RIPOR1: variants seen among roughly 807,000 people sequenced by gnomAD.
RIPOR1 encodes the protein rho family-interacting cell polarization regulator 1.
A neutral mutation model predicts 116.5 loss-of-function variants in RIPOR1; 58 were observed. The ratio of observed to expected loss-of-function variants is 0.50; its 90% CI spans 0.40 to 0.62. The LOEUF (loss-of-function observed/expected upper bound fraction) is 0.62. Among genes scored for constraint, RIPOR1 ranks in the 20% least tolerant of loss-of-function variants. RIPOR1 has a pLI of 0.00. For missense variants in RIPOR1, 1,372 were observed against 1,586.2 expected (o/e 0.86, Z 2.29); for synonymous variants, 605 against 650.0 (o/e 0.93, Z 1.05).
intron 1 of RIPOR1, among the ~76,000 whole-genome samples, chr16:67,520,279 G>A (rs1011951852): frequency 3.3e-5 from 5 of 151,430 alleles, no homozygotes; most frequent in African/African-American, 9.7e-5. Context: ...TACTCAGGAC[G>A]CTGAGGTGGG....
Position 67,541,368 on chromosome 16 carries a change from G to A in RIPOR1, c.802-62G>A, listed in dbSNP as rs1173079276. On this transcript the variant is annotated intron_variant, in intron 10 of 21. Coordinates refer to ENST00000042381, the MANE Select transcript of RIPOR1 (RefSeq NM_024519.4). This position sits in a 1 kb window ranked among gnomAD's most constrained non-coding sequence, Gnocchi z 4.6. ...AAGTTCTATGCAAATTCAGACCTCA[G>A]ATTTCCCATGATCTCATAGCCCCTG... 3.2e-5 allele frequency: 50 copies of A among 1,549,512 alleles called. No individual in the cohort carries two copies. The highest frequency in any genetic ancestry group is 4.3e-5 in the Non-Finnish European group (49 of 1,144,508).
In RIPOR1 at chr16:67,542,246, A is replaced by G. The variant is rs199574998; in HGVS notation, c.1460A>G (p.His487Arg). The G allele has an allele frequency of 6.8e-6, 11 of 1,613,570 alleles. No individual in the cohort carries two copies. Among genetic ancestry groups the G allele is most frequent in the Non-Finnish European group, 9.3e-6 (11 of 1,179,712 alleles). ...PSPPTHPAPT[H>R]GEHPSPVPPA... The stretch of plus-strand genomic sequence containing the variant: ...CCACCTACACACCCAGCTCCCACCC[A>G]TGGAGAGCACCCCAGTCCTGTTCCT... The change falls in exon 13 of 22, where the codon CAT becomes CGT. Residue 487 changes from histidine (H) to arginine (R), a missense_variant. His to Arg is a conservative substitution (Grantham distance 29, BLOSUM62 0). Transcript: ENST00000042381. This position sits in a 1 kb window ranked among gnomAD's most constrained non-coding sequence, Gnocchi z 4.6.
intron 4 of RIPOR1, 37 bp downstream of exon 4, chr16:67,539,105 T>C: frequency 6.3e-7 from 1 of 1,580,118 alleles, no homozygotes; most frequent in South Asian, 1.1e-5. Context: ...TTTGCCTCTT[T>C]GGTGTGGAGG....
chr16:67,526,423 G>A (rs760793640), upstream of RIPOR1, among the ~76,000 whole-genome samples: 4 of 152,176 alleles, frequency 2.6e-5, no homozygotes, highest in Non-Finnish European at 5.9e-5. Context: ...ACATAGTATG[G>A]ACTATCTTCT....
chr16:67,545,561 T>G lies in RIPOR1; in HGVS notation c.3190+27T>G. 6.2e-7 allele frequency: 1 copy of G among 1,612,562 alleles called. No homozygotes were observed. The highest frequency in any genetic ancestry group is 1.1e-5 in the South Asian group (1 of 90,952). The stretch of plus-strand genomic sequence containing the variant: ...TGAGGCGGTGGCCCTGATCACATAG[T>G]GGCCTCTTGGGGTCTGAGGACATGA... On this transcript the variant is annotated intron_variant, in intron 18 of 21. Transcript: ENST00000042381. The surrounding 1 kb of genome is among the most constrained non-coding windows in gnomAD (Gnocchi z 4.8).
intron 1 of RIPOR1, among the ~76,000 whole-genome samples, chr16:67,521,821 C>A (rs2050497249): frequency 6.6e-6 from 1 of 152,208 alleles, no homozygotes; most frequent in South Asian, 2.1e-4. Context: ...TAAGTAATGG[C>A]CATGTTGCTT....
At position 67,530,356 on chromosome 16, in the gene RIPOR1, T is replaced by TG. The variant is rs902044789; in HGVS notation, c.-24+1448dup. Among the ~76,000 whole-genome samples, 1 of 152,012 alleles carries TG rather than the reference T, an allele frequency of 6.6e-6. No homozygotes were observed. The highest frequency in any genetic ancestry group is 1.5e-5 in the Non-Finnish European group (1 of 67,956). ...CGACAGCCTCCGCCCGGTTCCGGGG[T>TG]GGGGGGTCCGGGGCTGTGCCGCTCC... On this transcript the variant is annotated intron_variant, in intron 1 of 21. Transcript: ENST00000042381. This position sits in a 1 kb window ranked among gnomAD's most constrained non-coding sequence, Gnocchi z 4.5.
intron 1 of RIPOR1, among the ~76,000 whole-genome samples, chr16:67,532,739 A>AC (rs147419333): frequency 0.044 from 6,682 of 152,266 alleles, 484 homozygotes; most frequent in African/African-American, 0.15. Flanking sequence ...AATAGGACTT[A>AC]CCCCATAAGG....
Position 67,543,249 on chromosome 16 carries a change from A to G in RIPOR1, c.2463A>G (p.Leu821=). 10 of 1,596,894 alleles carry G rather than the reference A, an allele frequency of 6.3e-6. No homozygotes were observed. Among genetic ancestry groups the G allele is most frequent in the Non-Finnish European group, 8.5e-6 (10 of 1,170,174 alleles). The part of the protein sequence containing the change: ...LQGLEQEVTR[L]ESLLMQRQGL... ...GCCTGGAGCAGGAGGTGACCCGCCT[A>G]GAAAGTCTGCTCATGGTGAGGAGGG... is the stretch of plus-strand genomic sequence containing the variant. Residue 821 remains leucine (L), a synonymous_variant, in exon 13 of 22, where the codon CTA becomes CTG. Coordinates refer to ENST00000042381, the MANE Select transcript of RIPOR1 (RefSeq NM_024519.4). This position sits in a 1 kb window ranked among gnomAD's most constrained non-coding sequence, Gnocchi z 4.7.
chr16:67,538,182 G>A, intron 1 of RIPOR1: 1 of 401,390 alleles, frequency 2.5e-6, no homozygotes, highest in Non-Finnish European at 4.4e-6. Context: ...CGCGGCAGGC[G>A]GAGCCCGCAC....
rs575068102 is a variant in RIPOR1 at position 67,538,824 on chromosome 16, C to T, written c.257C>T (p.Thr86Met). The T allele has an allele frequency of 9.5e-5, 154 of 1,612,738 alleles. No homozygotes were observed. The highest frequency in any genetic ancestry group is 1.3e-4 in the Non-Finnish European group (153 of 1,179,840). Residue 86 changes from threonine to methionine, a missense_variant and splice_region_variant, in exon 3 of 22, where the codon ACG (threonine) becomes ATG (methionine). Coordinates refer to ENST00000042381, the MANE Select transcript of RIPOR1 (RefSeq NM_024519.4). ...LVYTALKRGL[T>M]AYLEVHQQEQ... ...TACACGGCGCTGAAGCGGGGCCTGA[C>T]GTGAGCAGCTCCTCTGTTCCCAGCC...
At chr16:67,528,705 G>A (rs1444097599), upstream of RIPOR1, 2 of 152,070 alleles carry the variant, frequency 1.3e-5, no homozygotes, top group Non-Finnish European at 2.9e-5. Context: ...TTATCCGAGA[G>A]GGCGGAGCGA....
chr16:67,541,885 G>T lies in RIPOR1; in HGVS notation c.1099G>T (p.Glu367Ter). Residue 367 changes from glutamate (E) to a stop codon, truncating the protein, a stop_gained, in exon 13 of 22, where the codon GAG (glutamate) becomes TAG (stop). Coordinates refer to ENST00000042381, the MANE Select transcript of RIPOR1 (RefSeq NM_024519.4). LOFTEE classifies it high-confidence loss of function. This position sits in a 1 kb window ranked among gnomAD's most constrained non-coding sequence, Gnocchi z 4.6. Reference sequence around the variant, plus strand: ...TTCTCAGAACATGCTGCGACGGCAGGAGGAGCTGGAGAATGGGACAGCATG... The same window carrying T: ...TTCTCAGAACATGCTGCGACGGCAGTAGGAGCTGGAGAATGGGACAGCATG... The part of the protein sequence containing the change: ...QAFYNMLRRQ[E>*]ELENGTAWSL... The T allele has an allele frequency of 6.2e-7, 1 of 1,609,080 alleles. No homozygotes were observed. The highest frequency in any genetic ancestry group is 8.5e-7 in the Non-Finnish European group (1 of 1,176,376).
At chr16:67,519,566 G>A (rs1225719828) in intron 1 of RIPOR1, among the ~76,000 whole-genome samples, 1 of 152,144 alleles carries the variant, frequency 6.6e-6, no homozygotes, top group Non-Finnish European at 1.5e-5. Context: ...AGGGAAGAGG[G>A]GACTCACTTG....
At chr16:67,527,399 AAAAG>A (rs1484871239), upstream of RIPOR1, among the ~76,000 whole-genome samples, 1 of 152,082 alleles carries the variant, frequency 6.6e-6, no homozygotes, top group African/African-American at 2.4e-5. Flanking sequence ...AAAAAAACAA[AAAAG>A]AAAGAAAGAA....
chr16:67,538,603 T>G (rs539969878), intron 2 of RIPOR1, 53 bp downstream of exon 2: 38 of 1,607,376 alleles, frequency 2.4e-5, no homozygotes, highest in Middle Eastern at 1.7e-4. Flanking sequence ...TGGGGCTGGG[T>G]CTGGGGGTGC....
chr16:67,536,391 T>G (rs1445894559), intron 1 of RIPOR1, among the ~76,000 whole-genome samples: 1 of 151,366 alleles, frequency 6.6e-6, no homozygotes, highest in Non-Finnish European at 1.5e-5. Flanking sequence ...GAGGTTGCAG[T>G]GAGCCAAGAT....
In RIPOR1 at chr16:67,529,756, C is replaced by T; in HGVS notation, c.-24+842C>T. On this transcript the variant is annotated intron_variant, in intron 1 of 21. Coordinates refer to ENST00000042381, the MANE Select transcript of RIPOR1 (RefSeq NM_024519.4). This position sits in a 1 kb window ranked among gnomAD's most constrained non-coding sequence, Gnocchi z 4.1. The stretch of plus-strand genomic sequence containing the variant: ...TCGTGTAACAATACTTGTGCCCTGG[C>T]TGCAGTCTGCGGGGCCGCGCCCTGG... 1.3e-6 allele frequency: 2 copies of T among 1,534,448 alleles called. No homozygotes were observed. Among genetic ancestry groups the T allele is most frequent in the Non-Finnish European group, 1.7e-6 (2 of 1,146,598 alleles).
At chr16:67,527,612 C>T (rs2050554112), upstream of RIPOR1, among the ~76,000 whole-genome samples, 1 of 152,110 alleles carries the variant, frequency 6.6e-6, no homozygotes, top group South Asian at 2.1e-4. Flanking sequence ...CGCGGTGGCT[C>T]ATGCCTGTAA....
Sources: allele counts gnomAD v4.1 joint callset (sites outside exome capture counted in the v4.1 genomes callset), GRCh38; gene constraint gnomAD v4.1.1; non-coding constraint Gnocchi (gnomAD v3.1); transcripts MANE v1.5; gene names NCBI Gene and HGNC (gene_info 2026-07-23, HGNC 2026-07-21).